Variants in EMSY observed in about 807,000 individuals in gnomAD.
EMSY encodes EMSY transcriptional repressor, BRCA2 interacting.
A neutral mutation model predicts 134.6 loss-of-function variants in EMSY; 26 were observed. That is an observed-to-expected ratio of 0.19 (90% confidence interval 0.14 to 0.27). The LOEUF (loss-of-function observed/expected upper bound fraction) is 0.27, where lower values mean the gene tolerates loss of function less well. Ranked by LOEUF, EMSY falls within the 10% of genes least tolerant of loss-of-function variation. The pLI is 1.00. For synonymous variants in EMSY, 579 were observed against 577.8 expected, an observed-to-expected ratio of 1.00 and a Z score of -0.03; for missense variants, 1,305 against 1,611.4, an observed-to-expected ratio of 0.81 and a Z score of 3.26.
chr11:76,447,036 C>T, intron 2 of EMSY, 28 bp downstream of exon 2: 1 of 1,606,876 alleles, frequency 6.2e-7, no homozygotes, highest in Non-Finnish European at 8.5e-7. Context: ...TGTTTTTTAC[C>T]TCTCTCTGAT....
intron 12 of EMSY, among the ~76,000 whole-genome samples, chr11:76,523,806 A>T (rs140113462): frequency 1.1e-3 from 150 of 135,974 alleles, no homozygotes; most frequent in African/African-American, 4.0e-3. Flanking sequence ...GCTGGTTGGG[A>T]GGCTGAGGTG....
chr11:76,537,860 A>T, exon 16 of EMSY: 1 of 1,613,474 alleles, frequency 6.2e-7, no homozygotes, highest in Non-Finnish European at 8.5e-7. Context: ...GGCAGTGCCT[A>T]TTCAGATGAC....
intron 7 of EMSY, among the ~76,000 whole-genome samples, chr11:76,467,603 T>A (rs1016998716): frequency 6.6e-6 from 1 of 152,208 alleles, no homozygotes; most frequent in African/African-American, 2.4e-5. Context: ...TAATTAATAT[T>A]TGTTGAATGA....
chr11:76,458,251 G>A (rs747768912), exon 5 of EMSY: 2 of 1,614,034 alleles, frequency 1.2e-6, no homozygotes, highest in Non-Finnish European at 1.7e-6. Flanking sequence ...CTGATGCCCC[G>A]GCTCGTTCCC....
chr11:76,501,800 A>C (rs1447374566), intron 9 of EMSY, among the ~76,000 whole-genome samples: 1 of 152,144 alleles, frequency 6.6e-6, no homozygotes, highest in South Asian at 2.1e-4. Flanking sequence ...AACTTTTCCA[A>C]ATTTATTGAA....
intron 12 of EMSY, among the ~76,000 whole-genome samples, chr11:76,524,413 A>C (rs1162555778): frequency 6.6e-6 from 1 of 152,212 alleles, no homozygotes. Context: ...TACTTCACTT[A>C]AATAGATCTC....
At chr11:76,535,153 A>G (rs113374160) in intron 14 of EMSY, among the ~76,000 whole-genome samples, 2 of 152,196 alleles carry the variant, frequency 1.3e-5, no homozygotes, top group Non-Finnish European at 2.9e-5. Flanking sequence ...ATTTCCATGT[A>G]TCATTTCATT....
At chr11:76,496,736 T>G (rs1949672814) in intron 9 of EMSY, 1 of 460,730 alleles carries the variant, frequency 2.2e-6, no homozygotes, top group Admixed American at 3.3e-5. Context: ...AAAATAGTAT[T>G]GATCTTGTAT....
chr11:76,506,037 T>C (rs1279365837), intron 9 of EMSY, among the ~76,000 whole-genome samples: 2 of 152,024 alleles, frequency 1.3e-5, no homozygotes, highest in African/African-American at 2.4e-5. Context: ...TATGGTGGCA[T>C]ATGCTTGTAG....
At position 76,447,020 on chromosome 11, in the gene EMSY, A is replaced by C. The variant is rs754004345; in HGVS notation, c.70+12A>C. On this transcript the variant is annotated intron_variant, in intron 2 of 20. Coordinates refer to ENST00000334736, the Ensembl canonical transcript of EMSY. ...TCTTCGAAAATTGGGTATGACGTTCATTGTTTGTTTTTTACCTCTCTCTGA... is the reference window on the plus strand; with the variant it reads ...TCTTCGAAAATTGGGTATGACGTTCCTTGTTTGTTTTTTACCTCTCTCTGA... 1 of 1,612,902 alleles carries C rather than the reference A, an allele frequency of 6.2e-7. No individual in the cohort carries two copies. Among genetic ancestry groups the C allele is most frequent in the Non-Finnish European group, 8.5e-7 (1 of 1,179,312 alleles).
chr11:76,520,759 C>T (rs553843090), intron 11 of EMSY, among the ~76,000 whole-genome samples: 2 of 151,882 alleles, frequency 1.3e-5, no homozygotes, highest in African/African-American at 4.8e-5. Context: ...CTTAGTGTAA[C>T]TTTGTATACA....
At chr11:76,463,625 G>A (rs1230119047) in intron 6 of EMSY, among the ~76,000 whole-genome samples, 196 bp from the exon 8 acceptor site, 5 of 88,552 alleles carry the variant, frequency 5.6e-5, no homozygotes, top group African/African-American at 2.5e-4. Flanking sequence ...GCGAGACTCC[G>A]TCTCAAAAAA....
chr11:76,538,562 A>G (rs539826926), intron 16 of EMSY, among the ~76,000 whole-genome samples: 1 of 152,300 alleles, frequency 6.6e-6, no homozygotes, highest in Non-Finnish European at 1.5e-5. Context: ...AGCCTGGCCT[A>G]GAATAAGTAT....
chr11:76,523,344 CA>C, intron 12 of EMSY, 53 bp downstream of exon 13: 1 of 1,565,536 alleles, frequency 6.4e-7, no homozygotes, highest in Non-Finnish European at 8.6e-7. Context: ...ATTTAAAGAC[CA>C]GCTATATAAA....
intron 6 of EMSY, among the ~76,000 whole-genome samples, chr11:76,461,333 C>T (rs1590797674): frequency 1.3e-5 from 2 of 152,084 alleles, no homozygotes; most frequent in South Asian, 2.1e-4. Flanking sequence ...AGGTCTTTGT[C>T]GGCCCTGTTT....
chr11:76,453,178 A>G, intron 3 of EMSY, 136 bp from the exon 4 acceptor site: 1 of 614,038 alleles, frequency 1.6e-6, no homozygotes, highest in Non-Finnish European at 2.8e-6. Context: ...TATATATATT[A>G]GACTCCTGTC....
intron 9 of EMSY, among the ~76,000 whole-genome samples, chr11:76,508,343 C>CTTTTT (rs35428460): frequency 6.8e-6 from 1 of 147,242 alleles, no homozygotes. Context: ...TGAAAGGAAT[C>CTTTTT]TTTTTTTTTT....
intron 8 of EMSY, among the ~76,000 whole-genome samples, chr11:76,490,323 T>C (rs1290671670): frequency 6.6e-6 from 1 of 152,178 alleles, no homozygotes; most frequent in Non-Finnish European, 1.5e-5. Flanking sequence ...GAAGTTGACC[T>C]GTGCATTATA....
At chr11:76,509,426 G>T (rs1950194782) in intron 9 of EMSY, among the ~76,000 whole-genome samples, 1 of 152,210 alleles carries the variant, frequency 6.6e-6, no homozygotes, top group East Asian at 1.9e-4. Flanking sequence ...CCAGGAAGTG[G>T]AGGTTGCAGT....
Sources: gnomAD v4.1 joint callset for allele counts (sites outside exome capture counted in the v4.1 genomes callset) on GRCh38, gnomAD v4.1.1 for gene constraint, MANE v1.5 for transcripts, NCBI Gene and HGNC (gene_info 2026-07-23, HGNC 2026-07-21) for gene names.